LAMA1: variants seen among roughly 807,000 people sequenced by gnomAD.
LAMA1 encodes laminin subunit alpha-1.
A neutral mutation model predicts 348.7 loss-of-function variants in LAMA1; 219 were observed. The ratio of observed to expected loss-of-function variants is 0.63; its 90% CI spans 0.56 to 0.70. The LOEUF (loss-of-function observed/expected upper bound fraction) is 0.70, where lower values mean the gene tolerates loss of function less well. LAMA1 is among the 30% of genes least tolerant of loss of function. The pLI is 0.00. For missense variants in LAMA1, 3,744 were observed against 3,888.0 expected, an observed-to-expected ratio of 0.96 and a Z score of 0.99; for synonymous variants, 1,487 against 1,491.0, an observed-to-expected ratio of 1.00 and a Z score of 0.06.
At chr18:7,078,964 C>T (rs1047675611) in intron 3 of LAMA1, among the ~76,000 whole-genome samples, 23 of 151,298 alleles carry the variant, frequency 1.5e-4, no homozygotes, top group Non-Finnish European at 2.2e-4. Context: ...TCCAGCCTGA[C>T]GACAGAGTGA....
rs34801895 is a variant in LAMA1, at chr18:7,096,647, ACTCT to A, written c.62-16194_62-16191del. On this transcript the variant is annotated intron_variant, in intron 1 of 62. Coordinates refer to ENST00000389658, the MANE Select transcript of LAMA1 (RefSeq NM_005559.4). Reference sequence around the variant, plus strand: ...TCCAGTCTAGGTGACCAAGCAAGACACTCTCTCTCTCTCTCTCTATCTCTCCCCC... The same window carrying A: ...TCCAGTCTAGGTGACCAAGCAAGACACTCTCTCTCTCTCTATCTCTCCCCC... 4.9e-3 allele frequency among the ~76,000 whole-genome samples: 732 copies of A among 149,606 alleles called. 14 individuals are homozygous for A. Among genetic ancestry groups the A allele is most frequent in the Admixed American group, 0.04 (593 of 14,998 alleles).
intron 1 of LAMA1, among the ~76,000 whole-genome samples, chr18:7,096,486 G>A (rs903506646): frequency 3.3e-5 from 5 of 152,046 alleles, no homozygotes; most frequent in African/African-American, 1.2e-4. Flanking sequence ...ACACCAGCCT[G>A]GGTAACAATT....
chr18:7,050,994 T>C, intron 3 of LAMA1, 58 bp from the exon 4 acceptor site: 1 of 1,592,856 alleles, frequency 6.3e-7, no homozygotes. Flanking sequence ...AGGCACAGAA[T>C]GAGAGCTACT....
intron 44 of LAMA1, 112 bp downstream of exon 44, chr18:6,977,615 C>G: frequency 7.9e-7 from 1 of 1,261,768 alleles, no homozygotes; most frequent in Non-Finnish European, 1.1e-6. Context: ...GGATCTGGGT[C>G]TTTGGAAGCC....
chr18:7,117,530 C>T lies in LAMA1; in HGVS notation c.61+130G>A, dbSNP rs895381253. The T allele has an allele frequency of 2.6e-5, 24 of 910,332 alleles. No homozygotes were observed. In the African/African-American group the frequency reaches 2.7e-4, roughly 10 times the overall value. The allele number at this position is 910,332 out of a possible 1,614,324, so 56.4% of individuals were successfully genotyped here. A position where few individuals can be genotyped will look rare whatever the true frequency, so the allele number is the denominator to read the frequency against. On this transcript the variant is annotated intron_variant, in intron 1 of 62. Transcript: ENST00000389658. ...GCGCGGGAGACCCACGTGGCCGAGA[C>T]ACCCACTCCGAGGTGGATCAGGATG...
chr18:7,095,244 G>A (rs1384509135), intron 1 of LAMA1, among the ~76,000 whole-genome samples: 4 of 151,390 alleles, frequency 2.6e-5, no homozygotes, highest in African/African-American at 9.7e-5. Flanking sequence ...ATACAGTGAC[G>A]GAAAATTTAC....
At chr18:7,086,928 C>CTCAA (rs2058219920) in intron 1 of LAMA1, among the ~76,000 whole-genome samples, 1 of 151,516 alleles carries the variant, frequency 6.6e-6, no homozygotes, top group South Asian at 2.1e-4. Context: ...CCACCATGAT[C>CTCAA]TCTCTATTTA....
rs747224307 is a variant in LAMA1, at chr18:6,995,413, G to A, written c.4840C>T (p.Leu1614=). Residue 1614 remains leucine (L), a synonymous_variant, in exon 34 of 63, where the codon CTG becomes TTG. Coordinates refer to ENST00000389658, the MANE Select transcript of LAMA1 (RefSeq NM_005559.4). ...ACACCTTCAAGCTTAATTTTTCCCA[G>A]GTCCTTTTGCATATTTTCTTTTAAT... ...SLLKENMQKD[L]GKIKLEGVAE... The A allele has an allele frequency of 6.2e-7, 1 of 1,611,960 alleles. No homozygotes were observed.
chr18:6,954,855 C>T (rs953108990), intron 57 of LAMA1: 40 of 222,850 alleles, frequency 1.8e-4, no homozygotes, highest in African/African-American at 7.3e-4. Flanking sequence ...ACATGGAGTC[C>T]GGGAGCCCCA....
intron 51 of LAMA1, among the ~76,000 whole-genome samples, chr18:6,963,208 G>A (rs2057616459): frequency 6.6e-6 from 1 of 152,152 alleles, no homozygotes; most frequent in African/African-American, 2.4e-5. Flanking sequence ...CCCTTCTACT[G>A]AGAACATCTG....
intron 12 of LAMA1, among the ~76,000 whole-genome samples, chr18:7,036,972 G>T (rs1362264322): frequency 6.6e-6 from 1 of 152,080 alleles, no homozygotes; most frequent in Admixed American, 6.5e-5. Context: ...AAGTGGGGAG[G>T]GGGGAATGGG....
In LAMA1 at chr18:7,049,181, C is replaced by T. The variant is rs112194576; in HGVS notation, c.665G>A (p.Arg222Gln). The change falls in exon 5 of 63, where the codon CGA becomes CAA. Residue 222 changes from arginine to glutamine, a missense_variant. Transcript: ENST00000389658. ...SPKLLEFTSA[R>Q]YIRLRLQRIR... The stretch of plus-strand genomic sequence containing the variant: ...GCGTTGCAAGCGAAGGCGAATATAT[C>T]GTGCAGAAGTGAATTCCAACAACTT... The T allele has an allele frequency of 5.6e-4, 906 of 1,614,086 alleles. 6 individuals are homozygous for T. Among genetic ancestry groups the T allele is most frequent in the African/African-American group, 3.0e-3 (227 of 75,020 alleles).
chr18:7,080,945 T>C (rs1908001609), intron 1 of LAMA1, among the ~76,000 whole-genome samples: 1 of 152,180 alleles, frequency 6.6e-6, no homozygotes, highest in African/African-American at 2.4e-5. Context: ...CACTTCGAAA[T>C]GCACCACAAA....
intron 1 of LAMA1, among the ~76,000 whole-genome samples, chr18:7,097,861 CCCACGGTCTCCCTCTCCCTCTCTTT>C (rs1385600831): frequency 9.9e-5 from 15 of 151,218 alleles, no homozygotes; most frequent in East Asian, 2.0e-4. Context: ...CTCCCCTCTC[CCCACGGTCTCCCTCTCCCTCTCTTT>C]CCACGGTCTC....
At chr18:7,082,400 T>C (rs2058196599) in intron 1 of LAMA1, among the ~76,000 whole-genome samples, 1 of 152,190 alleles carries the variant, frequency 6.6e-6, no homozygotes, top group African/African-American at 2.4e-5. Flanking sequence ...AAATGCTTTA[T>C]GCGGAACCAG....
chr18:6,958,658 T>G lies in LAMA1; in HGVS notation c.7783A>C (p.Ile2595Leu), dbSNP rs772280540. 1 of 1,612,978 alleles carries G rather than the reference T, an allele frequency of 6.2e-7. No individual in the cohort carries two copies. Among genetic ancestry groups the G allele is most frequent in the Non-Finnish European group, 8.5e-7 (1 of 1,179,052 alleles). ...TTGTTCTCATCCAATTGGACAGTGA[T>G]AATTCTAAAAGACCAATGGAGAAAA... ...SISLVRNRRI[I>L]TVQLDENNPV... The change falls in exon 55 of 63, where the codon ATC becomes CTC. Residue 2595 changes from isoleucine to leucine, a missense_variant. By Grantham distance (5) the Ile-to-Leu change is conservative (BLOSUM62 2). Around this residue, in one of 3 missense-constraint regions of LAMA1, gnomAD observed 1,983 missense variants for 1,934.3 expected, o/e 1.03. Transcript: ENST00000389658.
intron 12 of LAMA1, 69 bp downstream of exon 12, chr18:7,037,509 C>T (rs1598292036): frequency 1.2e-5 from 19 of 1,574,202 alleles, no homozygotes; most frequent in Non-Finnish European, 1.7e-5. Flanking sequence ...ATGCAGGCAG[C>T]GCAAGTTCTT....
chr18:7,099,573 A>G (rs1394505970), intron 1 of LAMA1, among the ~76,000 whole-genome samples: 3 of 152,088 alleles, frequency 2.0e-5, no homozygotes, highest in Non-Finnish European at 4.4e-5. Flanking sequence ...TAAATTTAAG[A>G]GCTAAATTAT....
chr18:7,109,905 C>T (rs114923276), intron 1 of LAMA1, among the ~76,000 whole-genome samples: 2,213 of 152,250 alleles, frequency 0.015, 51 homozygotes, highest in African/African-American at 0.049. Flanking sequence ...GCCGGCTGGC[C>T]GGGTGCGGTG....
Sources: allele counts gnomAD v4.1 joint callset (sites outside exome capture counted in the v4.1 genomes callset), GRCh38; gene constraint gnomAD v4.1.1; regional missense constraint gnomAD v4.1.1; transcripts MANE v1.5; gene names NCBI Gene and HGNC (gene_info 2026-07-23, HGNC 2026-07-21).